RTN4IP1: variants seen among roughly 807,000 people sequenced by gnomAD.
The protein encoded by RTN4IP1 is reticulon 4 interacting protein 1.
A neutral mutation model predicts 46.6 loss-of-function variants in RTN4IP1; 32 were observed. That is an observed-to-expected ratio of 0.69 (90% CI 0.52 to 0.92). RTN4IP1 has a LOEUF of 0.92. Among genes scored for constraint, RTN4IP1 ranks in the 40% least tolerant of loss-of-function variants. The pLI, the probability that RTN4IP1 is intolerant of heterozygous loss-of-function variation, is 0.00. For synonymous variants in RTN4IP1, 167 were observed against 161.8 expected (o/e 1.03, Z -0.24); for missense variants, 424 against 485.8 (o/e 0.87, Z 1.20).
chr6:106,618,380 A>G (rs1364184076), intron 4 of RTN4IP1, among the ~76,000 whole-genome samples: 1 of 152,196 alleles, frequency 6.6e-6, no homozygotes, highest in East Asian at 1.9e-4. Flanking sequence ...TTTTCTCAAC[A>G]AAAAACAAAA....
chr6:106,594,508 TCAAAAAA>T (rs1230629841), intron 5 of RTN4IP1, among the ~76,000 whole-genome samples: 1 of 151,246 alleles, frequency 6.6e-6, no homozygotes. Context: ...AGATTCTGTC[TCAAAAAA>T]CAAAAAACAA....
chr6:106,629,632 CT>C, upstream of RTN4IP1: 1 of 1,577,318 alleles, frequency 6.3e-7, no homozygotes, highest in Admixed American at 1.8e-5. Context: ...CCGGTGACCT[CT>C]TTTTCCCCCT....
chr6:106,603,801 C>A (rs1217243580), intron 4 of RTN4IP1, among the ~76,000 whole-genome samples: 1 of 152,084 alleles, frequency 6.6e-6, no homozygotes, highest in Non-Finnish European at 1.5e-5. Flanking sequence ...CAGAGAACTG[C>A]CTACTTGGAC....
chr6:106,612,317 G>A (rs1776244369), intron 4 of RTN4IP1, among the ~76,000 whole-genome samples: 2 of 149,596 alleles, frequency 1.3e-5, no homozygotes, highest in African/African-American at 4.9e-5. Flanking sequence ...AACCTGGGAG[G>A]TGGAGGTTGC....
intron 8 of RTN4IP1, among the ~76,000 whole-genome samples, chr6:106,581,454 A>G (rs1325986041): frequency 6.6e-6 from 1 of 152,206 alleles, no homozygotes; most frequent in Admixed American, 6.5e-5. Context: ...TTCCCAGGAT[A>G]AAAAGGCAAT....
Position 106,629,452 on chromosome 6 carries a change from G to C in RTN4IP1, c.-431C>G. ...CGACTGCCGCCGCGACCCTGGCCCGGAATCTCCTTGCCTGCCCGCTCTCCT... is the reference window on the plus strand; with the variant it reads ...CGACTGCCGCCGCGACCCTGGCCCGCAATCTCCTTGCCTGCCCGCTCTCCT... On this transcript the variant is annotated 5_prime_UTR_variant, in exon 1 of 9. Coordinates refer to ENST00000369063, the MANE Select transcript of RTN4IP1 (RefSeq NM_032730.5). 1 of 612,820 alleles carries C rather than the reference G, an allele frequency of 1.6e-6. No homozygotes were observed. The allele number at this position is 612,820 out of a possible 1,614,324, so 38.0% of individuals were successfully genotyped here. A position where few individuals can be genotyped will look rare whatever the true frequency, so the allele number is the denominator to read the frequency against.
chr6:106,592,998 T>C (rs917677229), intron 5 of RTN4IP1, among the ~76,000 whole-genome samples: 1 of 151,874 alleles, frequency 6.6e-6, no homozygotes, highest in Admixed American at 6.6e-5. Context: ...AAATAGTATG[T>C]CTTCAGAAAA....
intron 5 of RTN4IP1, among the ~76,000 whole-genome samples, chr6:106,600,480 A>G (rs1775915885): frequency 6.6e-6 from 1 of 152,122 alleles, no homozygotes; most frequent in South Asian, 2.1e-4. Context: ...TCTCTAGTAC[A>G]CTCACAATGT....
chr6:106,601,027 C>T lies in RTN4IP1; in HGVS notation c.669+1847G>A, dbSNP rs570218290. On this transcript the variant is annotated intron_variant, in intron 5 of 8. Transcript: ENST00000369063. ...CCAAGAAACTCTCCCACAATGTCTGCACCATTTTAACTTCCCACCAGCAAT... is the reference window on the plus strand; with the variant it reads ...CCAAGAAACTCTCCCACAATGTCTGTACCATTTTAACTTCCCACCAGCAAT... 1.5e-3 allele frequency among the ~76,000 whole-genome samples: 235 copies of T among 152,234 alleles called. 3 individuals carry two copies. Among genetic ancestry groups the T allele is most frequent in the African/African-American group, 5.4e-3 (226 of 41,510 alleles).
In RTN4IP1 at chr6:106,592,164, G is replaced by A. The variant is rs373250269; in HGVS notation, c.806C>T (p.Pro269Leu). ...GTGTGAACATTGTTCTAATACATAC[G>A]GTTTTAAGGATTTCAACTGCTCTTC... The part of the protein sequence containing the change: ...SVEEQLKSLK[P>L]FDFILDNVGG... The change falls in exon 6 of 9, where the codon CCA (proline) becomes CTA (leucine). Residue 269 changes from proline to leucine, a missense_variant and splice_region_variant. Coordinates refer to ENST00000369063, the MANE Select transcript of RTN4IP1 (RefSeq NM_032730.5). The A allele has an allele frequency of 2.2e-5, 35 of 1,613,356 alleles. No homozygotes were observed. In the East Asian group the frequency reaches 4.5e-4, roughly 21 times the overall value.
At chr6:106,620,915 GA>G (rs754247934) in intron 3 of RTN4IP1, among the ~76,000 whole-genome samples, 10 of 152,000 alleles carry the variant, frequency 6.6e-5, no homozygotes, top group Non-Finnish European at 1.5e-4. Context: ...TCATTTTCTG[GA>G]AAGGAAATCT....
Position 106,628,896 on chromosome 6 carries a change from G to T in RTN4IP1, c.126C>A (p.Val42=), listed in dbSNP as rs1776729666. Residue 42 remains valine, a synonymous_variant, in exon 1 of 9, where the codon GTC becomes GTA. Coordinates refer to ENST00000369063, the MANE Select transcript of RTN4IP1 (RefSeq NM_032730.5). ...RISTTSPRST[V]MPAWVIDKYG... ...ATTTATCTATCACCCAAGCAGGCAT[G>T]ACAGTGCTCCTAGGAGAGGTAGTAC... 1.2e-6 allele frequency: 2 copies of T among 1,613,992 alleles called. No homozygotes were observed. Among genetic ancestry groups the T allele is most frequent in the South Asian group, 2.2e-5 (2 of 91,086 alleles).
chr6:106,619,946 T>G (rs1180422458), intron 3 of RTN4IP1, among the ~76,000 whole-genome samples: 1 of 152,012 alleles, frequency 6.6e-6, no homozygotes, highest in African/African-American at 2.4e-5. Context: ...CTAGCTTCCT[T>G]TATTGTAAGG....
At chr6:106,629,841 A>C (rs1582400855), upstream of RTN4IP1, 1 of 1,063,752 alleles carries the variant, frequency 9.4e-7, no homozygotes, top group Non-Finnish European at 1.4e-6. Context: ...GGGGATAAGT[A>C]CCTTTCGATT....
intron 4 of RTN4IP1, 123 bp downstream of exon 4, chr6:106,619,079 A>G (rs1776417422): frequency 1.9e-6 from 2 of 1,080,490 alleles, no homozygotes; most frequent in Non-Finnish European, 1.3e-6. Flanking sequence ...TTGTTTTCAA[A>G]TGTTAGTACA....
chr6:106,588,654 A>C (rs368863567), intron 6 of RTN4IP1, among the ~76,000 whole-genome samples: 2 of 152,362 alleles, frequency 1.3e-5, no homozygotes, highest in South Asian at 4.1e-4. Context: ...GAAAACAAAG[A>C]TCTATATAGA....
chr6:106,605,816 C>CACAAAAAAAAAAAAAAA (rs1776053742), intron 4 of RTN4IP1, among the ~76,000 whole-genome samples: 1 of 4,496 alleles, frequency 2.2e-4, no homozygotes, highest in African/African-American at 5.9e-4. Flanking sequence ...GACTCTGTCC[C>CACAAAAAAAAAAAAAAA]AAAAAAAAAA....
Position 106,628,908 on chromosome 6 carries a change from A to T in RTN4IP1, c.114T>A (p.Pro38=), listed in dbSNP as rs1987623. The stretch of plus-strand genomic sequence containing the variant: ...CCCAAGCAGGCATGACAGTGCTCCT[A>T]GGAGAGGTAGTACTAATCCTTCTAA... ...PSVRRISTTS[P]RSTVMPAWVI... is the part of the protein sequence containing the mutation. Residue 38 remains proline (P), a synonymous_variant, in exon 1 of 9, where the codon CCT becomes CCA. Transcript: ENST00000369063. The T allele has an allele frequency of 0.31, 499,034 of 1,613,432 alleles. 84,551 individuals carry two copies. The highest frequency in any genetic ancestry group is 0.6 in the East Asian group (27,049 of 44,842).
Position 106,621,572 on chromosome 6 carries a change from A to AAT in RTN4IP1, c.427-81_427-80dup, listed in dbSNP as rs1383803051. The AAT allele has an allele frequency of 1.7e-5, 20 of 1,149,636 alleles. 1 individual carries two copies. The Admixed American group carries it at 2.4e-4, about 14-fold the overall frequency. 71.2% of individuals were successfully genotyped at this position (1,149,636 alleles called of 1,614,324 possible). On this transcript the variant is annotated intron_variant, in intron 2 of 8. Transcript: ENST00000369063. Reference sequence around the variant, plus strand: ...GAAGCTAAGCAAGAAAGTGTTCCCTAATATATACCCTGTGCTGTGAAAAAC... The same window carrying AAT: ...GAAGCTAAGCAAGAAAGTGTTCCCTAATATATATACCCTGTGCTGTGAAAAAC...
Sources: gnomAD v4.1 joint callset for allele counts (sites outside exome capture counted in the v4.1 genomes callset) on GRCh38, gnomAD v4.1.1 for gene constraint, MANE v1.5 for transcripts, NCBI Gene and HGNC (gene_info 2026-07-23, HGNC 2026-07-21) for gene names.